SND1: variants seen among roughly 807,000 people sequenced by gnomAD.
The protein encoded by SND1 is staphylococcal nuclease domain-containing protein 1.
In SND1, 38 loss-of-function variants were observed where a neutral mutation model predicts 121.7. The ratio of observed to expected loss-of-function variants is 0.31; its 90% confidence interval spans 0.24 to 0.41. The LOEUF is 0.41. Ranked by LOEUF, SND1 falls within the 10% of genes least tolerant of loss-of-function variation. The pLI is 1.00. For missense variants in SND1, 868 were observed against 1,184.6 expected (o/e 0.73, Z 3.92); for synonymous variants, 401 against 447.4 (o/e 0.90, Z 1.31).
At chr7:127,750,399 C>T (rs188075394) in intron 10 of SND1, among the ~76,000 whole-genome samples, 2 of 152,210 alleles carry the variant, frequency 1.3e-5, no homozygotes, top group East Asian at 1.9e-4. Context: ...TTTCACAAAT[C>T]CTTAGGGATT....
rs3808085 is a variant in SND1, at chr7:127,901,450, G to T, written c.1455-3297G>T. On this transcript the variant is annotated intron_variant, in intron 13 of 23. Coordinates refer to ENST00000354725, the MANE Select transcript of SND1 (RefSeq NM_014390.4). ...GTGACAAGCAGAGGGAGGTTTTCTG[G>T]AAATGGCTCACTCAGCATCGTTCCT... 3.9e-5 allele frequency among the ~76,000 whole-genome samples: 6 copies of T among 152,272 alleles called. No homozygotes were observed. The East Asian group carries it at 1.2e-3, about 29-fold the overall frequency.
chr7:128,055,451 A>C (rs558788297), intron 16 of SND1, among the ~76,000 whole-genome samples: 3 of 152,272 alleles, frequency 2.0e-5, no homozygotes, highest in African/African-American at 7.2e-5. Flanking sequence ...GCCTTACAGC[A>C]AGGGGATGCC....
At chr7:127,979,804 C>A (rs955478999) in intron 15 of SND1, among the ~76,000 whole-genome samples, 8 of 152,140 alleles carry the variant, frequency 5.3e-5, no homozygotes, top group Admixed American at 1.3e-4. Flanking sequence ...CACAAATATT[C>A]TTCTTCTGAT....
chr7:127,715,218 G>A (rs1796366523), intron 9 of SND1, among the ~76,000 whole-genome samples: 1 of 151,268 alleles, frequency 6.6e-6, no homozygotes, highest in Non-Finnish European at 1.5e-5. Flanking sequence ...GTCTCATTGT[G>A]GTTTTCATTT....
At chr7:127,746,928 T>C (rs1288047400) in intron 10 of SND1, among the ~76,000 whole-genome samples, 1 of 152,238 alleles carries the variant, frequency 6.6e-6, no homozygotes, top group Non-Finnish European at 1.5e-5. Flanking sequence ...ATGCTAGTAA[T>C]GTTTGTATTC....
chr7:127,729,439 C>CTTTTTTTTTTTTTTTT (rs10712716), intron 10 of SND1, among the ~76,000 whole-genome samples: 1 of 97,358 alleles, frequency 1.0e-5, no homozygotes, highest in Non-Finnish European at 2.1e-5. Context: ...AGATAAATTA[C>CTTTTTTTTTTTTTTTT]TTTTTTTTTT....
intron 15 of SND1, among the ~76,000 whole-genome samples, chr7:127,960,962 T>G (rs1801717490): frequency 1.3e-5 from 2 of 152,224 alleles, no homozygotes; most frequent in African/African-American, 4.8e-5. Context: ...GTACCAAATG[T>G]GTCCATTCCT....
intron 12 of SND1, among the ~76,000 whole-genome samples, chr7:127,849,478 TA>T (rs772730308): frequency 1.3e-5 from 2 of 152,186 alleles, no homozygotes; most frequent in African/African-American, 2.4e-5. Flanking sequence ...AAAATATAAC[TA>T]GGGTAAGCCA....
chr7:127,889,421 A>G (rs1799969217), intron 13 of SND1, among the ~76,000 whole-genome samples: 1 of 151,914 alleles, frequency 6.6e-6, no homozygotes, highest in Non-Finnish European at 1.5e-5. Flanking sequence ...TATGGGTTAC[A>G]TAAGATGTTT....
chr7:127,706,584 G>C (rs369554459), intron 8 of SND1, among the ~76,000 whole-genome samples: 1 of 152,070 alleles, frequency 6.6e-6, no homozygotes, highest in Non-Finnish European at 1.5e-5. Flanking sequence ...TTTCAAGAAA[G>C]TGAATGCAAT....
intron 15 of SND1, among the ~76,000 whole-genome samples, chr7:127,942,172 G>T (rs1277163383): frequency 6.6e-6 from 1 of 152,046 alleles, no homozygotes; most frequent in Non-Finnish European, 1.5e-5. Context: ...TAGTTGACTA[G>T]TCAGTGGTTA....
rs574461958 is a variant in SND1, at chr7:128,001,647, C to T, written c.1779+10591C>T. Among the ~76,000 whole-genome samples, 65 of 152,288 alleles carry T rather than the reference C, an allele frequency of 4.3e-4. 1 individual carries two copies. Among genetic ancestry groups the T allele is most frequent in the African/African-American group, 1.5e-3 (62 of 41,560 alleles). ...CATTTTTATTATTAATAGAAATTCT[C>T]TCAGCCGGGCACAGTGGCTCACGCC... On this transcript the variant is annotated intron_variant, in intron 16 of 23. Coordinates refer to ENST00000354725, the MANE Select transcript of SND1 (RefSeq NM_014390.4).
intron 10 of SND1, among the ~76,000 whole-genome samples, chr7:127,790,303 G>A (rs1797884993): frequency 6.6e-6 from 1 of 152,166 alleles, no homozygotes; most frequent in Non-Finnish European, 1.5e-5. Flanking sequence ...GGATGCTTAG[G>A]CTCCCTGGCT....
intron 10 of SND1, among the ~76,000 whole-genome samples, chr7:127,805,859 C>CA (rs1235527710): frequency 1.3e-5 from 2 of 152,142 alleles, no homozygotes; most frequent in Non-Finnish European, 2.9e-5. Flanking sequence ...TGGTGTACAT[C>CA]TAGGGTAGGG....
chr7:128,077,544 C>T (rs1562891373), intron 17 of SND1, among the ~76,000 whole-genome samples: 3 of 152,226 alleles, frequency 2.0e-5, no homozygotes, highest in Non-Finnish European at 2.9e-5. Context: ...CCTTCCCAGT[C>T]TTGCTCTGTA....
At chr7:127,745,425 A>G (rs1163750651) in intron 10 of SND1, among the ~76,000 whole-genome samples, 1 of 152,208 alleles carries the variant, frequency 6.6e-6, no homozygotes, top group Non-Finnish European at 1.5e-5. Context: ...CTGTGTGACA[A>G]CTGGGAAAAG....
rs144027003 is a variant in SND1, at chr7:127,701,242, T to G, written c.508T>G (p.Ser170Ala). The change falls in exon 5 of 24, where the codon TCA (serine) becomes GCA (alanine). Residue 170 changes from serine to alanine, a missense_variant. By Grantham distance (99) the Ser-to-Ala change is moderately conservative. This residue lies in a region of SND1 where 743 missense variants were observed against 1,071.3 expected (regional missense o/e 0.69). Transcript: ENST00000354725. ...AGGGATGTGGAGTGAGGGGAACGGT[T>G]CACATACTATCCGGGATCTCAAGTA... ...KKGMWSEGNG[S>A]HTIRDLKYTI... The G allele has an allele frequency of 1.6e-4, 256 of 1,613,918 alleles. 2 individuals carry two copies. Among genetic ancestry groups the G allele is most frequent in the Admixed American group, 4.3e-4 (26 of 59,980 alleles).
intron 15 of SND1, among the ~76,000 whole-genome samples, chr7:127,985,599 G>A (rs1459727774): frequency 6.6e-6 from 1 of 152,190 alleles, no homozygotes; most frequent in East Asian, 1.9e-4. Context: ...AGGCCAAATG[G>A]CAAATCCAGT....
chr7:127,883,003 T>C (rs1799823439), intron 12 of SND1, among the ~76,000 whole-genome samples: 2 of 152,168 alleles, frequency 1.3e-5, no homozygotes, highest in South Asian at 2.1e-4. Flanking sequence ...GTGCTAGGAC[T>C]GAAATGCTTC....
Sources: gnomAD v4.1 joint callset for allele counts (sites outside exome capture counted in the v4.1 genomes callset) on GRCh38, gnomAD v4.1.1 for gene constraint, gnomAD v4.1.1 regional missense constraint, MANE v1.5 for transcripts, NCBI Gene and HGNC (gene_info 2026-07-23, HGNC 2026-07-21) for gene names.